Variants in SDK1 observed in about 807,000 individuals in gnomAD.
SDK1 encodes the protein sidekick cell adhesion molecule 1, also known as protein sidekick-1.
In SDK1, 157 loss-of-function variants were observed where a neutral mutation model predicts 245.5. The observed-to-expected ratio is 0.64, with a 90% CI of 0.56 to 0.73. The LOEUF is 0.73. Among genes scored for constraint, SDK1 ranks in the 30% least tolerant of loss-of-function variants. The probability of loss-of-function intolerance (pLI) is 0.00; values close to 1 mark genes in which losing one functional copy is unlikely to be tolerated. For missense variants in SDK1, 3,583 were observed against 3,002.3 expected (o/e 1.19, Z -4.52); for synonymous variants, 1,647 against 1,278.5 (o/e 1.29, Z -6.15).
At chr7:3,703,493 A>T (rs1375657679) in intron 4 of SDK1, among the ~76,000 whole-genome samples, 1 of 152,190 alleles carries the variant, frequency 6.6e-6, no homozygotes, top group Non-Finnish European at 1.5e-5. Context: ...GAGTAGCAAG[A>T]GGGAGGTGTG....
chr7:3,353,924 T>C (rs911569821), intron 1 of SDK1, among the ~76,000 whole-genome samples: 3 of 152,116 alleles, frequency 2.0e-5, no homozygotes, highest in Non-Finnish European at 4.4e-5. Flanking sequence ...GTTACGTAAC[T>C]GACTTGCTCA....
At chr7:3,649,117 G>A (rs1782932605) in intron 4 of SDK1, among the ~76,000 whole-genome samples, 1 of 152,028 alleles carries the variant, frequency 6.6e-6, no homozygotes, top group African/African-American at 2.4e-5. Flanking sequence ...CCCCTCAGTG[G>A]GTGTGTTCTG....
At chr7:3,954,874 C>G (rs995038074) in intron 7 of SDK1, among the ~76,000 whole-genome samples, 8 of 151,964 alleles carry the variant, frequency 5.3e-5, no homozygotes, top group African/African-American at 1.4e-4. Context: ...ATTGCACTCG[C>G]TATTTACCAA....
chr7:3,535,153 G>A (rs1251284212), intron 1 of SDK1, among the ~76,000 whole-genome samples: 1 of 152,134 alleles, frequency 6.6e-6, no homozygotes, highest in Non-Finnish European at 1.5e-5. Flanking sequence ...ATACGCACCT[G>A]TAATCCCAGC....
At chr7:3,656,224 A>G (rs1783180185) in intron 4 of SDK1, among the ~76,000 whole-genome samples, 3 of 152,030 alleles carry the variant, frequency 2.0e-5, no homozygotes, top group East Asian at 1.9e-4. Context: ...CTTCCATCCC[A>G]TTTGTAATGT....
chr7:3,584,507 G>C (rs1484799620), intron 1 of SDK1, among the ~76,000 whole-genome samples: 1 of 152,162 alleles, frequency 6.6e-6, no homozygotes, highest in Non-Finnish European at 1.5e-5. Flanking sequence ...AGTCCCCTGT[G>C]GGGCCGCTCC....
At chr7:3,851,679 G>A (rs1201767838) in intron 5 of SDK1, among the ~76,000 whole-genome samples, 7 of 152,066 alleles carry the variant, frequency 4.6e-5, no homozygotes, top group Non-Finnish European at 1.5e-5. Flanking sequence ...GTGATTTATG[G>A]GAACACCTTT....
chr7:3,724,519 G>T (rs1473063108), intron 4 of SDK1, among the ~76,000 whole-genome samples: 1 of 152,198 alleles, frequency 6.6e-6, no homozygotes, highest in Admixed American at 6.5e-5. Context: ...GAGAGAAACA[G>T]AAAACTGTGA....
rs28554772 is a variant in SDK1, at chr7:3,864,372, C to T, written c.847+42789C>T. ...TGGGGCTTTGGGAGGGAAAGAAGGTCGATATATGTTGATAGTTGTTGTGGG... is the reference window on the plus strand; with the variant it reads ...TGGGGCTTTGGGAGGGAAAGAAGGTTGATATATGTTGATAGTTGTTGTGGG... On this transcript the variant is annotated intron_variant, in intron 5 of 44. Coordinates refer to ENST00000404826, the MANE Select transcript of SDK1 (RefSeq NM_152744.4). Among the ~76,000 whole-genome samples the T allele has an allele frequency of 8.3e-3, 1,259 of 152,066 alleles. 22 individuals carry two copies. The highest frequency in any genetic ancestry group is 0.029 in the African/African-American group (1,189 of 41,462).
Position 4,237,917 on chromosome 7 carries a change from C to T in SDK1, c.6130+133C>T. 3.6e-6 allele frequency: 4 copies of T among 1,105,382 alleles called. No individual in the cohort carries two copies. The East Asian group carries it at 1.0e-4, about 28-fold the overall frequency. The allele number at this position is 1,105,382 out of a possible 1,614,324, so 68.5% of individuals were successfully genotyped here. A position where few individuals can be genotyped will look rare whatever the true frequency, so the allele number is the denominator to read the frequency against. The stretch of plus-strand genomic sequence containing the variant: ...TTGCTTGTAGGTGCTGAGAGAAATG[C>T]AATAGGTTTTCTTTCTGGGGGCAGC... On this transcript the variant is annotated intron_variant, in intron 42 of 44. Coordinates refer to ENST00000404826, the MANE Select transcript of SDK1 (RefSeq NM_152744.4).
At chr7:3,776,230 T>G (rs1466160790) in intron 4 of SDK1, among the ~76,000 whole-genome samples, 1 of 152,226 alleles carries the variant, frequency 6.6e-6, no homozygotes, top group East Asian at 1.9e-4. Context: ...AGAGAGAAAC[T>G]TGTAAGCAGA....
chr7:3,594,286 A>G (rs1780982562), intron 1 of SDK1, among the ~76,000 whole-genome samples: 1 of 152,230 alleles, frequency 6.6e-6, no homozygotes, highest in Non-Finnish European at 1.5e-5. Context: ...GTCAACACCC[A>G]AATTCCTTTT....
chr7:3,956,899 TC>T (rs1479531792), intron 7 of SDK1, among the ~76,000 whole-genome samples: 1 of 152,098 alleles, frequency 6.6e-6, no homozygotes, highest in Non-Finnish European at 1.5e-5. Context: ...CGAGGTCCCT[TC>T]CTGGCACTCG....
In SDK1 at chr7:4,266,275, T is replaced by G; in HGVS notation, c.*891T>G. The G allele has an allele frequency of 1.0e-6, 1 of 985,406 alleles. No individual in the cohort carries two copies. Among genetic ancestry groups the G allele is most frequent in the Non-Finnish European group, 1.2e-6 (1 of 829,890 alleles). The allele number at this position is 985,406 out of a possible 1,614,324, so 61.0% of individuals were successfully genotyped here. A position where few individuals can be genotyped will look rare whatever the true frequency, so the allele number is the denominator to read the frequency against. On this transcript the variant is annotated 3_prime_UTR_variant, in exon 45 of 45. Coordinates refer to ENST00000404826, the MANE Select transcript of SDK1 (RefSeq NM_152744.4). ...TATTTTTAAAATCTTTTTATCTTTT[T>G]TTAAACTATGTCACATGAAATGAAT...
intron 1 of SDK1, among the ~76,000 whole-genome samples, chr7:3,558,377 A>C (rs1779652454): frequency 6.6e-6 from 1 of 152,194 alleles, no homozygotes; most frequent in South Asian, 2.1e-4. Context: ...CCTGCAGTGG[A>C]ATCATTGGTG....
intron 1 of SDK1, among the ~76,000 whole-genome samples, chr7:3,441,260 A>T (rs983277148): frequency 1.2e-4 from 18 of 152,226 alleles, no homozygotes; most frequent in Non-Finnish European, 8.8e-5. Flanking sequence ...TATGAATAGG[A>T]AAAAACAGTA....
intron 1 of SDK1, among the ~76,000 whole-genome samples, chr7:3,364,434 C>A (rs1437433104): frequency 6.6e-6 from 1 of 152,156 alleles, no homozygotes. Flanking sequence ...ACATTAAAGT[C>A]CATGGCACAT....
intron 4 of SDK1, among the ~76,000 whole-genome samples, chr7:3,655,471 A>ATATATATATATATATATATGTATG (rs1783142221): frequency 2.1e-5 from 1 of 46,606 alleles, no homozygotes; most frequent in Non-Finnish European, 5.7e-5. Context: ...ATATATATAT[A>ATATATATATATATATATATGTATG]TATATATATA....
intron 4 of SDK1, among the ~76,000 whole-genome samples, chr7:3,787,460 C>G (rs1451547859): frequency 6.6e-6 from 1 of 152,048 alleles, no homozygotes; most frequent in Non-Finnish European, 1.5e-5. Context: ...TGAGCTTACC[C>G]TAGAGATGAA....
Sources: gnomAD v4.1 joint callset for allele counts (sites outside exome capture counted in the v4.1 genomes callset) on GRCh38, gnomAD v4.1.1 for gene constraint, MANE v1.5 for transcripts, NCBI Gene and HGNC (gene_info 2026-07-23, HGNC 2026-07-21) for gene names.